PCDHA3: variants seen among roughly 807,000 people sequenced by gnomAD.
PCDHA3 encodes the protein protocadherin alpha 3.
Under a neutral mutation model 62.2 loss-of-function variants are expected in PCDHA3, and 41 were observed. That is an observed-to-expected ratio of 0.66 (90% confidence interval 0.51 to 0.86). The LOEUF (loss-of-function observed/expected upper bound fraction) is 0.86, where lower values mean the gene tolerates loss of function less well. PCDHA3 is among the 40% of genes least tolerant of loss of function. The probability of loss-of-function intolerance (pLI) is 0.00; values close to 1 mark genes in which losing one functional copy is unlikely to be tolerated. For missense variants in PCDHA3, 1,304 were observed against 1,241.2 expected (o/e 1.05, Z -0.76); for synonymous variants, 640 against 555.4 (o/e 1.15, Z -2.14).
intron 1 of PCDHA3, among the ~76,000 whole-genome samples, chr5:140,897,922 C>T (rs1476419563): frequency 3.3e-5 from 5 of 152,164 alleles, no homozygotes; most frequent in Non-Finnish European, 5.9e-5. Context: ...TTTTGATTTG[C>T]GTTTCTCTGA....
At chr5:140,945,164 T>C (rs246060) in intron 1 of PCDHA3, among the ~76,000 whole-genome samples, 85,686 of 151,808 alleles carry the variant, frequency 0.56, 24,785 homozygotes, top group African/African-American at 0.69. Flanking sequence ...TATTGAACTA[T>C]CTGAAAAATA....
intron 1 of PCDHA3, chr5:140,869,773 G>A (rs1554163437): frequency 6.2e-7 from 1 of 1,612,948 alleles, no homozygotes; most frequent in Non-Finnish European, 8.5e-7. Context: ...AGAGCTTACT[G>A]GCACCGTTCG....
intron 1 of PCDHA3, among the ~76,000 whole-genome samples, chr5:140,906,383 T>A (rs1386557574): frequency 6.6e-6 from 1 of 152,214 alleles, no homozygotes; most frequent in African/African-American, 2.4e-5. Context: ...TTACATAAAG[T>A]TAACATTTAA....
At chr5:140,865,781 A>T (rs1213634186) in intron 1 of PCDHA3, 5 of 152,208 alleles carry the variant, frequency 3.3e-5, no homozygotes, top group Non-Finnish European at 5.9e-5. Flanking sequence ...TCAAATGTGT[A>T]TCTTTCAGGC....
chr5:140,921,251 AG>A (rs2080121821), intron 1 of PCDHA3, among the ~76,000 whole-genome samples: 1 of 152,192 alleles, frequency 6.6e-6, no homozygotes. Context: ...CAGATCAAAA[AG>A]TCCTAGACTT....
chr5:140,835,129 T>G (rs2150231206), intron 1 of PCDHA3: 1 of 1,358,528 alleles, frequency 7.4e-7, no homozygotes, highest in East Asian at 2.5e-5. Context: ...CTGTATACGG[T>G]GAAATTACCA....
chr5:140,928,234 C>T lies in PCDHA3; in HGVS notation c.2395-50715C>T, dbSNP rs1319421246. The T allele has an allele frequency of 4.3e-6, 7 of 1,614,096 alleles. No homozygotes were observed. In the African/African-American group the frequency reaches 8.0e-5, roughly 18 times the overall value. On this transcript the variant is annotated intron_variant, in intron 1 of 3. Transcript: ENST00000522353. ...TGACAATACACCAAACTTTCCTCAA[C>T]CCCAGCAGGAACTTTTCGTTGCTGA...
chr5:140,885,310 G>T (rs1554182115), intron 1 of PCDHA3, among the ~76,000 whole-genome samples: 1 of 152,038 alleles, frequency 6.6e-6, no homozygotes. Context: ...TAGGCTTTTT[G>T]TTATTATTTC....
intron 1 of PCDHA3, chr5:140,969,244 G>C: frequency 6.2e-7 from 1 of 1,614,206 alleles, no homozygotes; most frequent in Non-Finnish European, 8.5e-7. Flanking sequence ...AAGCAGCAGT[G>C]ACTGACAGCA....
In PCDHA3 at chr5:140,842,663, G is replaced by A. The variant is rs2150341486; in HGVS notation, c.2394+39072G>A. The A allele has an allele frequency of 3.4e-5, 54 of 1,595,410 alleles. 5 individuals are homozygous for A. Among genetic ancestry groups the A allele is most frequent in the South Asian group, 1.5e-4 (14 of 90,476 alleles). ...CAGCTTGTCTGTGGAGGTGGCCGAC[G>A]TGAACGACAATGCTCCGGCGTTCGC... On this transcript the variant is annotated intron_variant, in intron 1 of 3. Transcript: ENST00000522353.
At chr5:140,913,021 A>G (rs548086979) in intron 1 of PCDHA3, among the ~76,000 whole-genome samples, 1 of 152,154 alleles carries the variant, frequency 6.6e-6, no homozygotes, top group South Asian at 2.1e-4. Context: ...TTTTGCATCA[A>G]TATTCATCAG....
chr5:140,912,497 T>A (rs2075943539), intron 1 of PCDHA3, among the ~76,000 whole-genome samples: 1 of 152,174 alleles, frequency 6.6e-6, no homozygotes. Context: ...ATCTAGGAGC[T>A]TTTTGGATGA....
intron 1 of PCDHA3, chr5:140,825,402 A>G (rs1474755792): frequency 1.4e-5 from 2 of 146,354 alleles, no homozygotes; most frequent in East Asian, 3.9e-4. Context: ...CTAATATATT[A>G]TATATTTTAT....
intron 1 of PCDHA3, among the ~76,000 whole-genome samples, chr5:140,974,152 G>A (rs183558718): frequency 4.2e-4 from 64 of 152,284 alleles, no homozygotes; most frequent in Admixed American, 2.4e-3. Flanking sequence ...CTATACAAGG[G>A]TTTTTCTTTC....
At chr5:140,823,206 T>A in intron 1 of PCDHA3, 1 of 1,613,806 alleles carries the variant, frequency 6.2e-7, no homozygotes, top group South Asian at 1.1e-5. Flanking sequence ...TCACGGTGTC[T>A]GCACGGGACG....
intron 1 of PCDHA3, chr5:140,835,489 T>A: frequency 1.2e-6 from 2 of 1,613,950 alleles, no homozygotes; most frequent in Non-Finnish European, 1.7e-6. Context: ...GGTACCGTCA[T>A]CACATTGATT....
At position 141,010,302 on chromosome 5, in the gene PCDHA3, A is replaced by C; in HGVS notation, c.*365A>C. On this transcript the variant is annotated 3_prime_UTR_variant, in exon 4 of 4. Coordinates refer to ENST00000522353, the MANE Select transcript of PCDHA3 (RefSeq NM_018906.3). ...TGATGACACTTGCAGGGCAGGCTGA[A>C]AAGTTTTGAGATTGAGCAGCTTGGG... The C allele has an allele frequency of 6.5e-7, 1 of 1,549,074 alleles. No individual in the cohort carries two copies. The highest frequency in any genetic ancestry group is 8.7e-7 in the Non-Finnish European group (1 of 1,146,244).
chr5:140,899,171 A>G (rs1302003338), intron 1 of PCDHA3, among the ~76,000 whole-genome samples: 1 of 152,058 alleles, frequency 6.6e-6, no homozygotes, highest in Non-Finnish European at 1.5e-5. Context: ...TCCTAATTGA[A>G]TACCCTTTAT....
In PCDHA3 at chr5:140,876,964, C is replaced by T. The variant is rs781890307; in HGVS notation, c.2394+73373C>T. ...GGTGTCCTACTCGCTGGTGGAGCGG[C>T]GGGTGGGCGAGCACGCACTGTCGAG... On this transcript the variant is annotated intron_variant, in intron 1 of 3. Coordinates refer to ENST00000522353, the MANE Select transcript of PCDHA3 (RefSeq NM_018906.3). 2.5e-6 allele frequency: 4 copies of T among 1,613,060 alleles called. No individual in the cohort carries two copies. The highest frequency in any genetic ancestry group is 3.4e-6 in the Non-Finnish European group (4 of 1,179,806).
Sources: allele counts gnomAD v4.1 joint callset (sites outside exome capture counted in the v4.1 genomes callset), GRCh38; gene constraint gnomAD v4.1.1; transcripts MANE v1.5; gene names NCBI Gene and HGNC (gene_info 2026-07-23, HGNC 2026-07-21).